Variants in PARD3 observed in about 807,000 individuals in gnomAD.
PARD3 encodes the protein partitioning defective 3 homolog.
PARD3 carries 75 observed loss-of-function variants against 155.4 expected under a neutral mutation model. That is an observed-to-expected ratio of 0.48 (90% CI 0.40 to 0.58). PARD3 has a LOEUF of 0.58. Ranked by LOEUF, PARD3 falls within the 20% of genes least tolerant of loss-of-function variation. The probability of loss-of-function intolerance (pLI) is 0.00; values close to 1 mark genes in which losing one functional copy is unlikely to be tolerated. For missense variants in PARD3, 1,642 were observed against 1,721.7 expected (o/e 0.95, Z 0.82); for synonymous variants, 576 against 610.5 (o/e 0.94, Z 0.83).
At chr10:34,721,104 T>C (rs1253262701) in intron 1 of PARD3, among the ~76,000 whole-genome samples, 1 of 152,124 alleles carries the variant, frequency 6.6e-6, no homozygotes, top group African/African-American at 2.4e-5. Flanking sequence ...TAAATCTATA[T>C]CAACTATTCA....
chr10:34,597,903 G>C (rs1332582560), intron 2 of PARD3, among the ~76,000 whole-genome samples: 1 of 152,176 alleles, frequency 6.6e-6, no homozygotes, highest in Non-Finnish European at 1.5e-5. Context: ...AGCGGATTCT[G>C]ATTTTTGCCA....
intron 1 of PARD3, among the ~76,000 whole-genome samples, chr10:34,768,350 G>A (rs538975495): frequency 1.3e-5 from 2 of 150,472 alleles, no homozygotes; most frequent in African/African-American, 2.5e-5. Flanking sequence ...CTGGAAAGGC[G>A]GGATAACTCG....
chr10:34,627,739 T>A (rs1436128083), intron 2 of PARD3, among the ~76,000 whole-genome samples: 1 of 152,188 alleles, frequency 6.6e-6, no homozygotes, highest in Non-Finnish European at 1.5e-5. Flanking sequence ...CCTCCAGAAC[T>A]GTGAGACAAT....
At chr10:34,563,208 G>A (rs560973888) in intron 2 of PARD3, among the ~76,000 whole-genome samples, 21 of 151,814 alleles carry the variant, frequency 1.4e-4, no homozygotes, top group South Asian at 1.0e-3. Flanking sequence ...TCAGTTACTC[G>A]GATTATAAAT....
At chr10:34,473,087 G>A (rs941273660) in intron 3 of PARD3, among the ~76,000 whole-genome samples, 4 of 152,190 alleles carry the variant, frequency 2.6e-5, no homozygotes, top group Non-Finnish European at 5.9e-5. Flanking sequence ...CTTATGGTGG[G>A]TGATGGAGCT....
At chr10:34,384,752 T>G (rs1842180114) in intron 7 of PARD3, among the ~76,000 whole-genome samples, 1 of 152,234 alleles carries the variant, frequency 6.6e-6, no homozygotes, top group South Asian at 2.1e-4. Context: ...ATTTCAGGAA[T>G]AAAGGAGTTT....
chr10:34,531,190 T>G (rs1349594760), intron 2 of PARD3, among the ~76,000 whole-genome samples: 1 of 152,194 alleles, frequency 6.6e-6, no homozygotes, highest in Admixed American at 6.5e-5. Context: ...CTTGATCCTT[T>G]TCCTTACTAA....
At chr10:34,236,597 T>C (rs1057262902) in intron 22 of PARD3, among the ~76,000 whole-genome samples, 6 of 152,166 alleles carry the variant, frequency 3.9e-5, no homozygotes, top group African/African-American at 1.4e-4. Flanking sequence ...AAAAATTGTC[T>C]TGCAACCCTG....
chr10:34,703,339 C>T (rs1283292697), intron 1 of PARD3, among the ~76,000 whole-genome samples: 2 of 151,662 alleles, frequency 1.3e-5, no homozygotes. Flanking sequence ...TGGTGAGTTA[C>T]GACTGGGCCA....
chr10:34,516,862 T>A, intron 3 of PARD3, 117 bp downstream of exon 3: 1 of 1,028,456 alleles, frequency 9.7e-7, no homozygotes, highest in Non-Finnish European at 1.4e-6. Context: ...GGTCCTAAAC[T>A]TAATTTTTGA....
chr10:34,809,963 T>C (rs776441967), intron 1 of PARD3, among the ~76,000 whole-genome samples: 1 of 152,204 alleles, frequency 6.6e-6, no homozygotes, highest in Non-Finnish European at 1.5e-5. Flanking sequence ...CATACATTTA[T>C]TCACAGAAAA....
intron 24 of PARD3, among the ~76,000 whole-genome samples, chr10:34,115,102 T>C (rs879168667): frequency 6.6e-6 from 1 of 151,722 alleles, no homozygotes; most frequent in Non-Finnish European, 1.5e-5. Context: ...GCCACCAGGA[T>C]GAGGGGGACA....
intron 5 of PARD3, among the ~76,000 whole-genome samples, chr10:34,439,008 A>T (rs1388764173): frequency 2.0e-5 from 3 of 152,186 alleles, no homozygotes; most frequent in Non-Finnish European, 4.4e-5. Flanking sequence ...TAGAAGAGAG[A>T]GAGAAAAACA....
intron 2 of PARD3, among the ~76,000 whole-genome samples, chr10:34,690,792 G>A (rs561629743): frequency 4.6e-5 from 7 of 152,316 alleles, no homozygotes; most frequent in Middle Eastern, 6.8e-3. Context: ...AGAAACAGGC[G>A]TGCTCATCTC....
Position 34,517,500 on chromosome 10 carries a change from A to T in PARD3, c.223-341T>A, listed in dbSNP as rs759141715. 3.3e-5 allele frequency among the ~76,000 whole-genome samples: 5 copies of T among 152,356 alleles called. No homozygotes were observed. In the East Asian group the frequency reaches 9.6e-4, roughly 29 times the overall value. ...AAGAAAAATGCAAAAGTGTGTATAT[A>T]TATGAGTATACATATATATCTGTGT... On this transcript the variant is annotated intron_variant, in intron 2 of 24. Coordinates refer to ENST00000374788, the MANE Select transcript of PARD3 (RefSeq NM_001184785.2).
chr10:34,532,090 A>T (rs768523057), intron 2 of PARD3, among the ~76,000 whole-genome samples: 2 of 152,078 alleles, frequency 1.3e-5, no homozygotes, highest in Non-Finnish European at 2.9e-5. Context: ...GGTTACTTAC[A>T]TTTCTCTCAA....
At position 34,125,071 on chromosome 10, in the gene PARD3, C is replaced by CTTTTTTTTTTTTTT. The variant is rs71523316; in HGVS notation, c.3541-5332_3541-5331insAAAAAAAAAAAAAA. ...GGCTTATCTCCAGGTCTATTTCTTT[C>CTTTTTTTTTTTTTT]TTTTTTTTTTTTTGAGACGGAGTCT... On this transcript the variant is annotated intron_variant, in intron 23 of 24. Coordinates refer to ENST00000374788, the MANE Select transcript of PARD3 (RefSeq NM_001184785.2). Among the ~76,000 whole-genome samples, 608 of 140,464 alleles carry CTTTTTTTTTTTTTT rather than the reference C, an allele frequency of 4.3e-3. 20 individuals carry two copies. Among genetic ancestry groups the CTTTTTTTTTTTTTT allele is most frequent in the African/African-American group, 0.016 (555 of 35,762 alleles). 92.1% of individuals were successfully genotyped at this position (140,464 alleles called of 152,430 possible). A position where few individuals can be genotyped will look rare whatever the true frequency, so the allele number is the denominator to read the frequency against.
chr10:34,630,322 A>G (rs1400895513), intron 2 of PARD3, among the ~76,000 whole-genome samples: 5 of 151,976 alleles, frequency 3.3e-5, no homozygotes, highest in Non-Finnish European at 7.4e-5. Flanking sequence ...TGTGGCAGAG[A>G]CTCCTCCTGC....
chr10:34,395,819 G>A lies in PARD3; in HGVS notation c.890+3511C>T, dbSNP rs566504981. ...GCCACTGCAGTCCGCAGTCCAACCT[G>A]GGCGACAGAGCGAGACTCCGTCTCA... On this transcript the variant is annotated intron_variant, in intron 7 of 24. Transcript: ENST00000374788. Among the ~76,000 whole-genome samples the A allele has an allele frequency of 1.5e-5, 2 of 134,792 alleles. 1 individual carries two copies. Among genetic ancestry groups the A allele is most frequent in the South Asian group, 5.1e-4 (2 of 3,902 alleles). 88.4% of individuals were successfully genotyped at this position (134,792 alleles called of 152,430 possible).
Sources: gnomAD v4.1 joint callset for allele counts (sites outside exome capture counted in the v4.1 genomes callset) on GRCh38, gnomAD v4.1.1 for gene constraint, MANE v1.5 for transcripts, NCBI Gene and HGNC (gene_info 2026-07-23, HGNC 2026-07-21) for gene names.